CCSER1: variants seen among roughly 807,000 people sequenced by gnomAD.
CCSER1 encodes coiled-coil serine rich protein 1.
CCSER1 carries 41 observed loss-of-function variants against 82.0 expected under a neutral mutation model. That is an observed-to-expected ratio of 0.50 (90% confidence interval 0.39 to 0.65). The LOEUF (loss-of-function observed/expected upper bound fraction) is 0.65, where lower values mean the gene tolerates loss of function less well. Among genes scored for constraint, CCSER1 ranks in the 30% least tolerant of loss-of-function variants. The probability of loss-of-function intolerance (pLI) is 0.00; values close to 1 mark genes in which losing one functional copy is unlikely to be tolerated. For missense variants in CCSER1, 1,119 were observed against 1,064.2 expected (o/e 1.05, Z -0.72); for synonymous variants, 414 against 383.9 (o/e 1.08, Z -0.92).
intron 5 of CCSER1, among the ~76,000 whole-genome samples, chr4:90,593,438 A>G (rs925304039): frequency 2.6e-5 from 4 of 152,134 alleles, no homozygotes; most frequent in African/African-American, 9.6e-5. Flanking sequence ...GCCCGAGGAT[A>G]GAGACTCAAG....
At chr4:90,812,810 G>T (rs12502242) in intron 7 of CCSER1, among the ~76,000 whole-genome samples, 5 of 152,040 alleles carry the variant, frequency 3.3e-5, no homozygotes, top group African/African-American at 4.8e-5. Flanking sequence ...AAGGGAAACT[G>T]CCACTTTTAA....
chr4:90,658,556 C>T (rs1328608507), intron 6 of CCSER1, among the ~76,000 whole-genome samples: 1 of 152,164 alleles, frequency 6.6e-6, no homozygotes, highest in Non-Finnish European at 1.5e-5. Flanking sequence ...ATTTTGCTGT[C>T]AATTTGACAA....
chr4:90,477,424 T>C (rs1420813570), intron 5 of CCSER1, among the ~76,000 whole-genome samples: 1 of 152,150 alleles, frequency 6.6e-6, no homozygotes, highest in Admixed American at 6.5e-5. Flanking sequence ...ATTTTCAAAG[T>C]AAAGCAGGTA....
intron 10 of CCSER1, among the ~76,000 whole-genome samples, chr4:91,115,688 T>A (rs1161824544): frequency 6.6e-6 from 1 of 151,908 alleles, no homozygotes; most frequent in Non-Finnish European, 1.5e-5. Flanking sequence ...CTAAAAAAAA[T>A]TTCAATGGAA....
intron 1 of CCSER1, among the ~76,000 whole-genome samples, chr4:90,307,183 G>A (rs973889391): frequency 2.6e-5 from 4 of 152,136 alleles, no homozygotes; most frequent in Admixed American, 6.5e-5. Flanking sequence ...TACCTGGTAC[G>A]TAGCAGTTGA....
intron 10 of CCSER1, among the ~76,000 whole-genome samples, chr4:91,384,636 T>G (rs939640098): frequency 6.6e-6 from 1 of 152,030 alleles, no homozygotes; most frequent in Non-Finnish European, 1.5e-5. Context: ...TAAGGGTATA[T>G]CTTATATAAT....
At position 91,275,501 on chromosome 4, in the gene CCSER1, C is replaced by A. The variant is rs184224395; in HGVS notation, c.2217+189507C>A. Among the ~76,000 whole-genome samples, 339 of 152,146 alleles carry A rather than the reference C, an allele frequency of 2.2e-3. 1 individual carries two copies. Among genetic ancestry groups the A allele is most frequent in the Non-Finnish European group, 3.3e-3 (223 of 67,990 alleles). Reference sequence around the variant, plus strand: ...CAAATGTATATTAAGATAATTTGTCCAACTTTTAGTGGGTTTATTTAGCTT... The same window carrying A: ...CAAATGTATATTAAGATAATTTGTCAAACTTTTAGTGGGTTTATTTAGCTT... On this transcript the variant is annotated intron_variant, in intron 10 of 10. Coordinates refer to ENST00000509176, the MANE Select transcript of CCSER1 (RefSeq NM_001145065.2).
chr4:90,771,578 AAAAAG>A (rs1370849648), intron 7 of CCSER1, among the ~76,000 whole-genome samples: 1 of 150,900 alleles, frequency 6.6e-6, no homozygotes, highest in Non-Finnish European at 1.5e-5. Flanking sequence ...AAAAAAAAAA[AAAAAG>A]AAAAGAAAAA....
At chr4:91,590,279 G>A (rs761595149) in intron 10 of CCSER1, among the ~76,000 whole-genome samples, 1 of 151,476 alleles carries the variant, frequency 6.6e-6, no homozygotes, top group Non-Finnish European at 1.5e-5. Context: ...ACACCTCTTG[G>A]TAATTTGTGC....
At chr4:91,431,542 A>G (rs977474446) in intron 10 of CCSER1, among the ~76,000 whole-genome samples, 20 of 152,042 alleles carry the variant, frequency 1.3e-4, no homozygotes, top group African/African-American at 4.3e-4. Flanking sequence ...ATCTTGGCTC[A>G]CGGCAACCTC....
At chr4:90,534,154 C>T (rs775542520) in intron 5 of CCSER1, among the ~76,000 whole-genome samples, 1 of 152,164 alleles carries the variant, frequency 6.6e-6, no homozygotes, top group Non-Finnish European at 1.5e-5. Flanking sequence ...TTTTGAGACA[C>T]AGTCTCGCTC....
chr4:91,005,437 G>T (rs1738418493), intron 9 of CCSER1, among the ~76,000 whole-genome samples: 1 of 151,360 alleles, frequency 6.6e-6, no homozygotes, highest in Admixed American at 6.6e-5. Context: ...AATCAAAATA[G>T]AATTTTTTAC....
intron 8 of CCSER1, among the ~76,000 whole-genome samples, chr4:90,829,659 G>C (rs1760892840): frequency 6.6e-6 from 1 of 152,122 alleles, no homozygotes; most frequent in African/African-American, 2.4e-5. Context: ...TCTTTAAAAA[G>C]TCTTTAGAAC....
chr4:91,376,757 G>T (rs1308812147), intron 10 of CCSER1, among the ~76,000 whole-genome samples: 1 of 151,654 alleles, frequency 6.6e-6, no homozygotes, highest in Non-Finnish European at 1.5e-5. Context: ...AAACGTTTAG[G>T]GTAGTTTTTT....
At chr4:90,853,944 C>A (rs62311124) in intron 8 of CCSER1, among the ~76,000 whole-genome samples, 14,457 of 152,090 alleles carry the variant, frequency 0.095, 735 homozygotes, top group Admixed American at 0.14. Context: ...AGCCAATAAA[C>A]CCATTCATCT....
At position 90,309,548 on chromosome 4, in the gene CCSER1, T is replaced by A; in HGVS notation, c.1264T>A (p.Ser422Thr). 6.2e-7 allele frequency: 1 copy of A among 1,608,596 alleles called. No individual in the cohort carries two copies. The highest frequency in any genetic ancestry group is 1.1e-5 in the South Asian group (1 of 89,550). Residue 422 changes from serine to threonine, a missense_variant, in exon 2 of 11, where the codon TCT becomes ACT. By Grantham distance (58) the Ser-to-Thr change is moderately conservative. Coordinates refer to ENST00000509176, the MANE Select transcript of CCSER1 (RefSeq NM_001145065.2). ...PISDSKIIPTSGDHHIFNKTS... is the reference protein window; with the variant it reads ...PISDSKIIPTTGDHHIFNKTS... The stretch of plus-strand genomic sequence containing the variant: ...TTCAGATTCAAAGATAATACCTACT[T>A]CTGGTGATCATCATATTTTTAACAA...
chr4:90,755,139 A>G lies in CCSER1; in HGVS notation c.2010+31148A>G, dbSNP rs115942410. 2.9e-3 allele frequency among the ~76,000 whole-genome samples: 443 copies of G among 152,274 alleles called. 1 individual carries two copies. Among genetic ancestry groups the G allele is most frequent in the African/African-American group, 9.8e-3 (409 of 41,556 alleles). On this transcript the variant is annotated intron_variant, in intron 7 of 10. Transcript: ENST00000509176. Reference sequence around the variant, plus strand: ...ACGTTTGCTTATGTCACACTGGCCAAACTTCACTGCAAATAAGCCTAGAAA... The same window carrying G: ...ACGTTTGCTTATGTCACACTGGCCAGACTTCACTGCAAATAAGCCTAGAAA...
intron 5 of CCSER1, among the ~76,000 whole-genome samples, chr4:90,539,677 A>G (rs1346841652): frequency 6.6e-6 from 1 of 152,162 alleles, no homozygotes; most frequent in Admixed American, 6.6e-5. Context: ...GAGACACAAA[A>G]TAAGTAAGAT....
intron 10 of CCSER1, among the ~76,000 whole-genome samples, chr4:91,466,516 A>T (rs1578534142): frequency 6.6e-6 from 1 of 152,112 alleles, no homozygotes; most frequent in East Asian, 1.9e-4. Context: ...CAATCAGGCA[A>T]GAGAAAGAAA....
Sources: gnomAD v4.1 joint callset for allele counts (sites outside exome capture counted in the v4.1 genomes callset) on GRCh38, gnomAD v4.1.1 for gene constraint, MANE v1.5 for transcripts, NCBI Gene and HGNC (gene_info 2026-07-23, HGNC 2026-07-21) for gene names.